Variants in FAF1 observed in about 807,000 individuals in gnomAD.
The protein encoded by FAF1 is Fas associated factor 1, also known as FAS-associated factor 1.
A neutral mutation model predicts 92.5 loss-of-function variants in FAF1; 25 were observed. That is an observed-to-expected ratio of 0.27 (90% CI 0.20 to 0.38). The LOEUF (loss-of-function observed/expected upper bound fraction) is 0.38, where lower values mean the gene tolerates loss of function less well. Ranked by LOEUF, FAF1 falls within the 10% of genes least tolerant of loss-of-function variation. The pLI is 1.00. For synonymous variants in FAF1, 234 were observed against 273.2 expected (o/e 0.86, Z 1.42); for missense variants, 636 against 793.3 (o/e 0.80, Z 2.38).
chr1:50,612,234 G>A, intron 8 of FAF1: 2 of 380,438 alleles, frequency 5.3e-6, no homozygotes, highest in South Asian at 5.6e-5. Flanking sequence ...AACAGTCTAG[G>A]ATCTTATCAA....
At chr1:50,491,122 T>C (rs1193213531) in intron 16 of FAF1, among the ~76,000 whole-genome samples, 6 of 152,192 alleles carry the variant, frequency 3.9e-5, no homozygotes, top group Non-Finnish European at 8.8e-5. Flanking sequence ...CATCTCTTCT[T>C]TGAAACATTC....
At chr1:50,850,127 G>GAAA (rs112287615) in intron 2 of FAF1, among the ~76,000 whole-genome samples, 1 of 117,828 alleles carries the variant, frequency 8.5e-6, no homozygotes. Context: ...TAGGAGCTAC[G>GAAA]AAAAAAAAAA....
intron 4 of FAF1, among the ~76,000 whole-genome samples, chr1:50,777,108 T>A (rs1232273553): frequency 8.6e-5 from 13 of 151,554 alleles, no homozygotes; most frequent in Admixed American, 7.9e-4. Flanking sequence ...ATGATAATAA[T>A]AAAAAATAAA....
chr1:50,610,115 G>A (rs1163875023), intron 8 of FAF1, among the ~76,000 whole-genome samples: 1 of 152,180 alleles, frequency 6.6e-6, no homozygotes, highest in Non-Finnish European at 1.5e-5. Context: ...AAAAAACATT[G>A]ATCAAATCTT....
intron 1 of FAF1, among the ~76,000 whole-genome samples, chr1:50,876,516 A>T (rs1570088737): frequency 6.6e-6 from 1 of 152,352 alleles, no homozygotes; most frequent in South Asian, 2.1e-4. Context: ...TGGGGATACG[A>T]CAAACGAATA....
intron 12 of FAF1, among the ~76,000 whole-genome samples, chr1:50,575,490 T>C (rs1034297104): frequency 3.9e-5 from 6 of 152,224 alleles, no homozygotes; most frequent in African/African-American, 1.4e-4. Flanking sequence ...TAAAAGCATT[T>C]AATAAATAGT....
intron 15 of FAF1, among the ~76,000 whole-genome samples, chr1:50,514,551 A>C (rs1647184192): frequency 6.6e-6 from 1 of 152,198 alleles, no homozygotes; most frequent in South Asian, 2.1e-4. Context: ...TTAAACAGAG[A>C]AATTTCAAAA....
chr1:50,492,997 G>A (rs144074073), intron 15 of FAF1, among the ~76,000 whole-genome samples: 2 of 150,752 alleles, frequency 1.3e-5, no homozygotes, highest in African/African-American at 4.9e-5. Context: ...ACCTGATAAT[G>A]TCTACCCTTT....
chr1:50,953,853 A>C (rs1261067141), intron 1 of FAF1, among the ~76,000 whole-genome samples: 4 of 152,254 alleles, frequency 2.6e-5, no homozygotes, highest in African/African-American at 9.6e-5. Context: ...TGTTACAGAA[A>C]ACATAACTGA....
At chr1:50,663,660 C>CA (rs1655493301) in intron 7 of FAF1, among the ~76,000 whole-genome samples, 1 of 151,506 alleles carries the variant, frequency 6.6e-6, no homozygotes, top group South Asian at 2.1e-4. Flanking sequence ...ACCCTGGCCT[C>CA]CCAAAGTGCT....
chr1:50,682,364 G>A (rs1224181537), intron 7 of FAF1, among the ~76,000 whole-genome samples: 1 of 152,060 alleles, frequency 6.6e-6, no homozygotes, highest in Non-Finnish European at 1.5e-5. Context: ...TCAGCTGGTT[G>A]TGGTAGCACG....
At chr1:50,694,026 T>C (rs911752779) in intron 7 of FAF1, among the ~76,000 whole-genome samples, 2 of 148,758 alleles carry the variant, frequency 1.3e-5, no homozygotes, top group Admixed American at 1.3e-4. Context: ...ATATATGACA[T>C]ATATATGACA....
chr1:50,774,884 G>C (rs1660900434), intron 4 of FAF1, among the ~76,000 whole-genome samples: 1 of 152,030 alleles, frequency 6.6e-6, no homozygotes, highest in African/African-American at 2.4e-5. Context: ...ACAGAATTCA[G>C]AAGGTTTTGG....
chr1:50,828,868 A>C (rs1644128656), intron 2 of FAF1, among the ~76,000 whole-genome samples: 1 of 152,144 alleles, frequency 6.6e-6, no homozygotes, highest in Admixed American at 6.5e-5. Context: ...GGGCAAAAAC[A>C]CAAGCCACAG....
At chr1:50,538,915 T>G (rs1345155054) in intron 14 of FAF1, among the ~76,000 whole-genome samples, 1 of 152,204 alleles carries the variant, frequency 6.6e-6, no homozygotes, top group South Asian at 2.1e-4. Flanking sequence ...ATACCAGATA[T>G]AGTTTTAGCT....
intron 17 of FAF1, among the ~76,000 whole-genome samples, chr1:50,481,768 G>T (rs1320674186): frequency 6.6e-6 from 1 of 152,102 alleles, no homozygotes; most frequent in Non-Finnish European, 1.5e-5. Context: ...AAAGGAAAGA[G>T]GGTTCCACAT....
chr1:50,582,589 T>G (rs775917361), intron 12 of FAF1, 29 bp downstream of exon 12: 1 of 1,477,538 alleles, frequency 6.8e-7, no homozygotes, highest in South Asian at 1.1e-5. Flanking sequence ...GATGCACTTT[T>G]TAATCAGAAA....
chr1:50,872,045 A>T (rs1275782560), intron 1 of FAF1, among the ~76,000 whole-genome samples: 1 of 149,894 alleles, frequency 6.7e-6, no homozygotes, highest in East Asian at 1.9e-4. Flanking sequence ...AGCCTGGGCA[A>T]CAGAGCCAGA....
At chr1:50,539,837 T>A (rs1411843244) in intron 13 of FAF1, 109 bp from the exon 14 acceptor site, 12 of 718,432 alleles carry the variant, frequency 1.7e-5, no homozygotes, top group Non-Finnish European at 2.8e-5. Flanking sequence ...TTAGACAGCC[T>A]GCCTGATATC....
Sources: gnomAD v4.1 joint callset for allele counts (sites outside exome capture counted in the v4.1 genomes callset) on GRCh38, gnomAD v4.1.1 for gene constraint, MANE v1.5 for transcripts, NCBI Gene and HGNC (gene_info 2026-07-23, HGNC 2026-07-21) for gene names.